Variants in NRG3 observed in about 807,000 individuals in gnomAD.
The protein encoded by NRG3 is neuregulin 3, also known as pro-neuregulin-3, membrane-bound isoform.
NRG3 carries 31 observed loss-of-function variants against 66.9 expected under a neutral mutation model. The ratio of observed to expected loss-of-function variants is 0.46; its 90% CI spans 0.35 to 0.63. NRG3 has a LOEUF of 0.63. NRG3 is among the 20% of genes least tolerant of loss of function. The probability of loss-of-function intolerance (pLI) is 0.00; values close to 1 mark genes in which losing one functional copy is unlikely to be tolerated. For missense variants in NRG3, 910 were observed against 878.9 expected (o/e 1.04, Z -0.45); for synonymous variants, 393 against 359.4 (o/e 1.09, Z -1.06).
intron 1 of NRG3, among the ~76,000 whole-genome samples, chr10:81,948,762 A>C (rs1019925794): frequency 6.6e-6 from 1 of 152,224 alleles, no homozygotes; most frequent in Non-Finnish European, 1.5e-5. Context: ...CATTTCCCAC[A>C]CTGATTGCAA....
intron 1 of NRG3, among the ~76,000 whole-genome samples, chr10:82,137,031 C>T (rs567459837): frequency 6.6e-6 from 1 of 152,272 alleles, no homozygotes; most frequent in African/African-American, 2.4e-5. Flanking sequence ...TGATTACTCA[C>T]CTGATTTTGT....
intron 2 of NRG3, among the ~76,000 whole-genome samples, chr10:82,399,308 T>C (rs1415991275): frequency 6.6e-6 from 1 of 152,170 alleles, no homozygotes; most frequent in Non-Finnish European, 1.5e-5. Context: ...AGGGCACATG[T>C]AAATAAATAA....
chr10:81,902,318 C>T (rs1167288527), intron 1 of NRG3, among the ~76,000 whole-genome samples: 2 of 152,028 alleles, frequency 1.3e-5, no homozygotes, highest in Non-Finnish European at 2.9e-5. Flanking sequence ...CTAAGGAAGC[C>T]CTGGTGTATG....
Position 82,943,132 on chromosome 10 carries a change from G to GA in NRG3, c.1055-8333dup, listed in dbSNP as rs1435578898. Among the ~76,000 whole-genome samples, 4 of 152,280 alleles carry GA rather than the reference G, an allele frequency of 2.6e-5. No individual in the cohort carries two copies. In the East Asian group the frequency reaches 7.7e-4, roughly 29 times the overall value. On this transcript the variant is annotated intron_variant, in intron 4 of 8. Transcript: ENST00000372141. ...TTTTTGACTTAATGCTGCTTCAAGAGAAAACGGAAAAAGGAAAGAAACTGG... is the reference window on the plus strand; with the variant it reads ...TTTTTGACTTAATGCTGCTTCAAGAGAAAAACGGAAAAAGGAAAGAAACTGG...
At chr10:82,640,707 T>C (rs1301153542) in intron 2 of NRG3, among the ~76,000 whole-genome samples, 1 of 152,170 alleles carries the variant, frequency 6.6e-6, no homozygotes, top group Non-Finnish European at 1.5e-5. Flanking sequence ...TAAAAAATTA[T>C]GACAATCATT....
chr10:82,352,654 A>G (rs2083505161), intron 1 of NRG3, among the ~76,000 whole-genome samples: 1 of 152,030 alleles, frequency 6.6e-6, no homozygotes, highest in African/African-American at 2.4e-5. Context: ...CAACTGTGGG[A>G]TTGTGGGGGT....
chr10:81,918,897 A>G (rs1845963333), intron 1 of NRG3, among the ~76,000 whole-genome samples: 2 of 151,986 alleles, frequency 1.3e-5, no homozygotes, highest in Admixed American at 1.3e-4. Flanking sequence ...GAGTTTTGAA[A>G]TACATCTGGT....
chr10:82,526,122 C>G (rs1275933637), intron 2 of NRG3, among the ~76,000 whole-genome samples: 2 of 151,844 alleles, frequency 1.3e-5, no homozygotes, highest in Non-Finnish European at 2.9e-5. Flanking sequence ...CTGTTACTTT[C>G]TGGGTGTTAG....
At chr10:82,513,617 T>C (rs772932663) in intron 2 of NRG3, among the ~76,000 whole-genome samples, 1 of 152,028 alleles carries the variant, frequency 6.6e-6, no homozygotes, top group Non-Finnish European at 1.5e-5. Context: ...CCTGTTTCTA[T>C]AAAAACACAA....
chr10:82,899,983 A>G (rs1844052001), intron 4 of NRG3, among the ~76,000 whole-genome samples: 2 of 152,230 alleles, frequency 1.3e-5, no homozygotes, highest in African/African-American at 4.8e-5. Context: ...TAATTAGCTC[A>G]CCGTTCTGCA....
intron 2 of NRG3, among the ~76,000 whole-genome samples, chr10:82,661,690 A>G (rs1020315872): frequency 6.6e-6 from 1 of 152,194 alleles, no homozygotes; most frequent in African/African-American, 2.4e-5. Flanking sequence ...AGCCAGAGCT[A>G]AGACCATGTG....
At chr10:82,717,491 CCAGGTT>C (rs949702668) in intron 2 of NRG3, among the ~76,000 whole-genome samples, 1 of 150,096 alleles carries the variant, frequency 6.7e-6, no homozygotes, top group African/African-American at 2.5e-5. Context: ...GCTCTGCCTC[CCAGGTT>C]CACGCCATCC....
At chr10:82,577,493 C>T (rs1434630061) in intron 2 of NRG3, among the ~76,000 whole-genome samples, 2 of 151,644 alleles carry the variant, frequency 1.3e-5, no homozygotes, top group Non-Finnish European at 3.0e-5. Context: ...AAATTCTATA[C>T]AATTAAAAGT....
chr10:82,426,579 G>A (rs1466862510), intron 2 of NRG3, among the ~76,000 whole-genome samples: 1 of 147,206 alleles, frequency 6.8e-6, no homozygotes, highest in Non-Finnish European at 1.5e-5. Flanking sequence ...TGGACTGAAA[G>A]TTGAAAGTCC....
At chr10:82,423,298 T>A (rs1046839803) in intron 2 of NRG3, among the ~76,000 whole-genome samples, 1 of 151,974 alleles carries the variant, frequency 6.6e-6, no homozygotes, top group Non-Finnish European at 1.5e-5. Context: ...TACTAGCATG[T>A]TAGCTTAAAA....
At chr10:82,698,232 A>G (rs577502846) in intron 2 of NRG3, among the ~76,000 whole-genome samples, 26 of 152,280 alleles carry the variant, frequency 1.7e-4, no homozygotes, top group African/African-American at 5.5e-4. Flanking sequence ...GCACAATGCC[A>G]GGATAAAGCC....
intron 2 of NRG3, among the ~76,000 whole-genome samples, chr10:82,716,586 C>G (rs1392518430): frequency 1.3e-5 from 2 of 152,158 alleles, no homozygotes; most frequent in African/African-American, 2.4e-5. Flanking sequence ...AAGAACTAAA[C>G]AGTGACCCCT....
At chr10:82,785,821 G>A (rs1248895128) in intron 3 of NRG3, among the ~76,000 whole-genome samples, 1 of 152,166 alleles carries the variant, frequency 6.6e-6, no homozygotes, top group African/African-American at 2.4e-5. Context: ...GCCAAGTAAA[G>A]CATGTTTGAG....
intron 1 of NRG3, among the ~76,000 whole-genome samples, chr10:82,181,188 C>A (rs999159878): frequency 1.3e-5 from 2 of 151,462 alleles, no homozygotes; most frequent in Non-Finnish European, 3.0e-5. Flanking sequence ...GTTTATCTAT[C>A]TTTTCAGAAA....
Sources: allele counts gnomAD v4.1 joint callset (sites outside exome capture counted in the v4.1 genomes callset), GRCh38; gene constraint gnomAD v4.1.1; transcripts MANE v1.5; gene names NCBI Gene and HGNC (gene_info 2026-07-23, HGNC 2026-07-21).